The following RIMS1 variants were observed in gnomAD, a reference collection of about 807,000 sequenced individuals.
RIMS1 encodes the protein regulating synaptic membrane exocytosis 1, also known as regulating synaptic membrane exocytosis protein 1.
RIMS1 carries 83 observed loss-of-function variants against 214.1 expected under a neutral mutation model. The observed-to-expected ratio is 0.39, with a 90% CI of 0.32 to 0.47. RIMS1 has a LOEUF of 0.47. RIMS1 is among the 20% of genes least tolerant of loss of function. The pLI is 0.99. For synonymous variants in RIMS1, 793 were observed against 786.8 expected (o/e 1.01, Z -0.13); for missense variants, 2,050 against 2,161.8 (o/e 0.95, Z 1.03).
intron 29 of RIMS1, among the ~76,000 whole-genome samples, chr6:72,373,556 G>C (rs1205115972): frequency 2.0e-5 from 3 of 152,188 alleles, no homozygotes; most frequent in Non-Finnish European, 4.4e-5. Context: ...AAGCAAACTG[G>C]AAAGAAGAGA....
At chr6:72,279,221 A>G (rs1386803348) in intron 23 of RIMS1, among the ~76,000 whole-genome samples, 1 of 152,034 alleles carries the variant, frequency 6.6e-6, no homozygotes, top group Non-Finnish European at 1.5e-5. Context: ...GATTTTAACA[A>G]TTACCTCTGT....
chr6:72,274,443 ACTC>A lies in RIMS1; in HGVS notation c.3482+18_3482+20del. ...TCCGGAGAATGACAGGTACTAGTCA[ACTC>A]CTCCTCACAGACAAGTGGCTTCTAG... On this transcript the variant is annotated intron_variant, in intron 23 of 33. Transcript: ENST00000521978. 6 of 1,601,808 alleles carry A rather than the reference ACTC, an allele frequency of 3.7e-6. No homozygotes were observed. Among genetic ancestry groups the A allele is most frequent in the Non-Finnish European group, 5.1e-6 (6 of 1,169,218 alleles).
rs760731450 is a variant in RIMS1, at chr6:72,392,797, C to T, written c.4605C>T (p.Ala1535=). The T allele has an allele frequency of 6.2e-7, 1 of 1,610,136 alleles. No individual in the cohort carries two copies. Residue 1535 remains alanine, a synonymous_variant, in exon 31 of 34, where the codon GCC becomes GCT. Transcript: ENST00000521978. Reference sequence around the variant, plus strand: ...AGCTTGTTGGCCGCCAAACCCTTGCCACCCCTGCAATGGGTAAGAATCATT... The same window carrying T: ...AGCTTGTTGGCCGCCAAACCCTTGCTACCCCTGCAATGGGTAAGAATCATT... ...PAQLVGRQTL[A]TPAMGDIQIG... is the part of the protein sequence containing the mutation.
At chr6:72,289,837 G>T (rs753982846) in intron 24 of RIMS1, among the ~76,000 whole-genome samples, 7 of 151,772 alleles carry the variant, frequency 4.6e-5, no homozygotes, top group Non-Finnish European at 1.0e-4. Context: ...TACCTGCTAG[G>T]TGTTTTAATC....
intron 1 of RIMS1, among the ~76,000 whole-genome samples, chr6:71,957,987 T>C (rs187161798): frequency 6.4e-4 from 97 of 152,290 alleles, no homozygotes; most frequent in African/African-American, 2.3e-3. Flanking sequence ...TGGCAACTTA[T>C]ACAGGGCAGA....
chr6:72,295,658 A>T (rs900787251), intron 26 of RIMS1, among the ~76,000 whole-genome samples: 1 of 151,828 alleles, frequency 6.6e-6, no homozygotes, highest in Non-Finnish European at 1.5e-5. Flanking sequence ...GAAAGAAAAA[A>T]TAATACAGAA....
chr6:72,183,415 T>G (rs2048629399), intron 6 of RIMS1, among the ~76,000 whole-genome samples: 1 of 152,222 alleles, frequency 6.6e-6, no homozygotes, highest in Admixed American at 6.5e-5. Flanking sequence ...AAATTTGGTA[T>G]GCAGTCTAAT....
chr6:72,333,933 G>C (rs2096754554), intron 29 of RIMS1, 98 bp downstream of exon 29: 3 of 890,994 alleles, frequency 3.4e-6, no homozygotes, highest in Admixed American at 2.8e-5. Flanking sequence ...TGGCATATTT[G>C]GTTCTTCTTT....
At chr6:72,136,026 G>T (rs956826716) in intron 4 of RIMS1, among the ~76,000 whole-genome samples, 1 of 152,162 alleles carries the variant, frequency 6.6e-6, no homozygotes, top group African/African-American at 2.4e-5. Context: ...GAGGAAAGGG[G>T]CAATGAGAGG....
At chr6:72,127,862 C>A (rs781198811) in intron 4 of RIMS1, among the ~76,000 whole-genome samples, 1 of 152,170 alleles carries the variant, frequency 6.6e-6, no homozygotes, top group Non-Finnish European at 1.5e-5. Flanking sequence ...ATAAATCTTA[C>A]GCTTACATAC....
chr6:71,921,363 C>A (rs1257452532), intron 1 of RIMS1, among the ~76,000 whole-genome samples: 1 of 152,242 alleles, frequency 6.6e-6, no homozygotes, highest in Non-Finnish European at 1.5e-5. Context: ...TCGTGATCCA[C>A]CCGCCTTGGC....
At chr6:72,006,101 A>G (rs1807474117) in intron 2 of RIMS1, among the ~76,000 whole-genome samples, 1 of 152,148 alleles carries the variant, frequency 6.6e-6, no homozygotes, top group African/African-American at 2.4e-5. Context: ...CAAGTGGTGG[A>G]GAGCAGAGAG....
intron 29 of RIMS1, 133 bp downstream of exon 29, chr6:72,333,968 T>A: frequency 1.5e-6 from 1 of 668,054 alleles, no homozygotes; most frequent in Non-Finnish European, 2.6e-6. Context: ...TTTTTCTGTC[T>A]CTGAAAATCT....
chr6:72,001,480 G>A (rs1016777676), intron 2 of RIMS1, among the ~76,000 whole-genome samples: 8 of 152,026 alleles, frequency 5.3e-5, no homozygotes, highest in African/African-American at 1.9e-4. Flanking sequence ...TGTTACTGAT[G>A]CCTTTTTCTC....
At chr6:72,128,934 C>T (rs982489572) in intron 4 of RIMS1, among the ~76,000 whole-genome samples, 5 of 152,172 alleles carry the variant, frequency 3.3e-5, no homozygotes, top group Non-Finnish European at 7.3e-5. Context: ...AATATTCCCA[C>T]ATTGCATACA....
chr6:72,284,215 A>G (rs902979576), intron 24 of RIMS1, 97 bp downstream of exon 24: 7 of 1,008,002 alleles, frequency 6.9e-6, no homozygotes, highest in Non-Finnish European at 1.1e-5. Flanking sequence ...CTTAAACACA[A>G]ATTGTGATGT....
chr6:72,221,709 A>T lies in RIMS1; in HGVS notation c.1679-12064A>T, dbSNP rs566309545. On this transcript the variant is annotated intron_variant, in intron 6 of 33. Transcript: ENST00000521978. Reference sequence around the variant, plus strand: ...GAGATCAGACTTTAGTTTTATTTATAGTATACCTGTATATAACATAATGCC... The same window carrying T: ...GAGATCAGACTTTAGTTTTATTTATTGTATACCTGTATATAACATAATGCC... 3.3e-5 allele frequency among the ~76,000 whole-genome samples: 5 copies of T among 152,140 alleles called. No homozygotes were observed. The East Asian group carries it at 9.6e-4, about 29-fold the overall frequency.
intron 6 of RIMS1, among the ~76,000 whole-genome samples, chr6:72,222,787 A>G (rs1021266852): frequency 4.6e-5 from 7 of 152,180 alleles, no homozygotes; most frequent in Non-Finnish European, 1.0e-4. Flanking sequence ...TACATGCTGT[A>G]ATATTTTTAG....
chr6:72,030,885 G>A (rs1338161463), intron 2 of RIMS1, among the ~76,000 whole-genome samples: 1 of 151,982 alleles, frequency 6.6e-6, no homozygotes, highest in Non-Finnish European at 1.5e-5. Context: ...CTCTTCTATT[G>A]TTAGGAAAGA....
Sources: allele counts gnomAD v4.1 joint callset (sites outside exome capture counted in the v4.1 genomes callset), GRCh38; gene constraint gnomAD v4.1.1; transcripts MANE v1.5; gene names NCBI Gene and HGNC (gene_info 2026-07-23, HGNC 2026-07-21).